The following THEMIS variants were observed in gnomAD, a reference collection of about 807,000 sequenced individuals.
THEMIS encodes protein THEMIS.
THEMIS carries 37 observed loss-of-function variants against 52.6 expected under a neutral mutation model. The ratio of observed to expected loss-of-function variants is 0.70; its 90% confidence interval spans 0.54 to 0.93. The LOEUF (loss-of-function observed/expected upper bound fraction) is 0.93. Ranked by LOEUF, THEMIS falls within the 40% of genes least tolerant of loss-of-function variation. THEMIS has a pLI of 0.00. For missense variants in THEMIS, 808 were observed against 763.1 expected (o/e 1.06, Z -0.69); for synonymous variants, 292 against 272.7 (o/e 1.07, Z -0.70).
chr6:127,884,217 T>A (rs1013450013), intron 1 of THEMIS, among the ~76,000 whole-genome samples: 4 of 152,160 alleles, frequency 2.6e-5, no homozygotes, highest in African/African-American at 9.6e-5. Context: ...ATACTTCCCA[T>A]GTTGGTGTTC....
intron 1 of THEMIS, among the ~76,000 whole-genome samples, chr6:127,861,270 A>T (rs1409320667): frequency 6.6e-6 from 1 of 152,190 alleles, no homozygotes; most frequent in Non-Finnish European, 1.5e-5. Flanking sequence ...AATTTAATAT[A>T]GACATCTATA....
At chr6:127,782,492 G>A (rs1776780688) in intron 4 of THEMIS, among the ~76,000 whole-genome samples, 1 of 152,176 alleles carries the variant, frequency 6.6e-6, no homozygotes, top group Non-Finnish European at 1.5e-5. Flanking sequence ...ATAGTATCTG[G>A]GCCGGAATGC....
At chr6:127,727,688 TCTCA>T (rs1774598489) in intron 4 of THEMIS, among the ~76,000 whole-genome samples, 1 of 152,178 alleles carries the variant, frequency 6.6e-6, no homozygotes, top group Non-Finnish European at 1.5e-5. Flanking sequence ...GTATGACTCA[TCTCA>T]CTATTTCTTC....
At chr6:127,761,789 G>C (rs899036369) in intron 4 of THEMIS, among the ~76,000 whole-genome samples, 56 of 152,064 alleles carry the variant, frequency 3.7e-4, no homozygotes, top group African/African-American at 1.3e-3. Context: ...TCTATCCTGG[G>C]AGATTACAAG....
chr6:127,910,379 A>T (rs577777454), intron 1 of THEMIS, among the ~76,000 whole-genome samples: 3 of 152,138 alleles, frequency 2.0e-5, no homozygotes, highest in Non-Finnish European at 4.4e-5. Context: ...AGAATTTGTT[A>T]TTAGGGAAGA....
At chr6:127,792,729 T>C (rs774794567) in intron 4 of THEMIS, among the ~76,000 whole-genome samples, 12 of 152,198 alleles carry the variant, frequency 7.9e-5, no homozygotes, top group Non-Finnish European at 1.3e-4. Flanking sequence ...GTTTTCATAA[T>C]AGGAAATAAC....
At chr6:127,763,306 GC>G (rs1476756288) in intron 4 of THEMIS, among the ~76,000 whole-genome samples, 3 of 151,940 alleles carry the variant, frequency 2.0e-5, no homozygotes, top group African/African-American at 7.2e-5. Flanking sequence ...CTTACAGAAT[GC>G]TTTTGTGTGC....
At chr6:127,845,491 A>C (rs1779183091) in intron 2 of THEMIS, among the ~76,000 whole-genome samples, 1 of 151,954 alleles carries the variant, frequency 6.6e-6, no homozygotes, top group Non-Finnish European at 1.5e-5. Context: ...TCAGGTCCAC[A>C]GTAACCTTGA....
At chr6:127,725,473 T>C (rs1417045993) in intron 4 of THEMIS, among the ~76,000 whole-genome samples, 2 of 152,066 alleles carry the variant, frequency 1.3e-5, no homozygotes, top group Non-Finnish European at 2.9e-5. Context: ...TCTGTGAGTG[T>C]GTTCTCTTCT....
intron 2 of THEMIS, among the ~76,000 whole-genome samples, chr6:127,830,180 A>T (rs145134021): frequency 1.3e-5 from 2 of 152,342 alleles, no homozygotes; most frequent in East Asian, 3.9e-4. Flanking sequence ...ACCTTGAAAT[A>T]GAAAAGAAAC....
At chr6:127,714,871 T>A (rs549351736) in intron 5 of THEMIS, among the ~76,000 whole-genome samples, 1 of 152,022 alleles carries the variant, frequency 6.6e-6, no homozygotes, top group Admixed American at 6.6e-5. Flanking sequence ...TGGTACACGG[T>A]TTTGCCTTCA....
chr6:127,847,303 G>T (rs1779251442), intron 2 of THEMIS, among the ~76,000 whole-genome samples: 1 of 151,900 alleles, frequency 6.6e-6, no homozygotes, highest in African/African-American at 2.4e-5. Flanking sequence ...ACCAGAGAAA[G>T]AAATAAAGGG....
chr6:127,703,035 G>GTTTTTTTTTTTTTTTTT, the THEMIS span, among the ~76,000 whole-genome samples: 9 of 82,384 alleles, frequency 1.1e-4, no homozygotes, highest in Admixed American at 1.6e-4. Context: ...TTTAGAATGA[G>GTTTTTTTTTTTTTTTTT]TTTTTTTTTT....
chr6:127,848,126 A>T (rs918784436), intron 2 of THEMIS, among the ~76,000 whole-genome samples: 3 of 119,482 alleles, frequency 2.5e-5, no homozygotes, highest in Non-Finnish European at 4.8e-5. Flanking sequence ...TCCTGTGTCC[A>T]TGTGTTCTCA....
At chr6:127,831,590 T>A (rs964364686) in intron 2 of THEMIS, among the ~76,000 whole-genome samples, 1 of 152,180 alleles carries the variant, frequency 6.6e-6, no homozygotes, top group African/African-American at 2.4e-5. Context: ...TGTATATTTT[T>A]GGTTACTGTT....
chr6:127,881,968 T>C (rs1402773480), intron 1 of THEMIS, among the ~76,000 whole-genome samples: 1 of 147,414 alleles, frequency 6.8e-6, no homozygotes, highest in Non-Finnish European at 1.5e-5. Context: ...AGACAAGTTA[T>C]ATAGTAGCTG....
chr6:127,809,624 T>C (rs912092410), intron 4 of THEMIS, among the ~76,000 whole-genome samples: 1 of 152,114 alleles, frequency 6.6e-6, no homozygotes, highest in African/African-American at 2.4e-5. Flanking sequence ...AACTGTCTGA[T>C]AAATTCTCAA....
intron 4 of THEMIS, among the ~76,000 whole-genome samples, chr6:127,786,341 A>G (rs962086181): frequency 2.0e-5 from 3 of 152,224 alleles, no homozygotes; most frequent in Non-Finnish European, 4.4e-5. Flanking sequence ...AACATTATCA[A>G]CTGCTATGGT....
intron 1 of THEMIS, among the ~76,000 whole-genome samples, chr6:127,863,909 T>G (rs1023486653): frequency 1.3e-5 from 2 of 152,160 alleles, no homozygotes; most frequent in Non-Finnish European, 2.9e-5. Context: ...TGTCTTAAAT[T>G]TGAGCAGCAA....
Sources: allele counts gnomAD v4.1 joint callset (sites outside exome capture counted in the v4.1 genomes callset), GRCh38; gene constraint gnomAD v4.1.1; transcripts MANE v1.5; gene names NCBI Gene and HGNC (gene_info 2026-07-23, HGNC 2026-07-21).